The following KCNQ1 variants were observed in gnomAD, a reference collection of about 807,000 sequenced individuals.
The protein encoded by KCNQ1 is potassium voltage-gated channel subfamily KQT member 1.
Under a neutral mutation model 72.4 loss-of-function variants are expected in KCNQ1, and 49 were observed. That is an observed-to-expected ratio of 0.68 (90% CI 0.54 to 0.86). The LOEUF (loss-of-function observed/expected upper bound fraction) is 0.86, where lower values mean the gene tolerates loss of function less well. Ranked by LOEUF, KCNQ1 falls within the 40% of genes least tolerant of loss-of-function variation. KCNQ1 has a pLI of 0.00. For synonymous variants in KCNQ1, 450 were observed against 412.6 expected, an observed-to-expected ratio of 1.09 and a Z score of -1.10; for missense variants, 790 against 945.1, an observed-to-expected ratio of 0.84 and a Z score of 2.15.
intron 10 of KCNQ1, chr11:2,610,922 A>G (rs1848971109): frequency 5.0e-6 from 2 of 398,384 alleles, no homozygotes; most frequent in East Asian, 7.1e-5. Context: ...TAATAGTTCA[A>G]TAACTCACTC....
Position 2,698,523 on chromosome 11 carries a change from C to T in KCNQ1, c.1514+36442C>T. The T allele has an allele frequency of 2.5e-6, 1 of 398,534 alleles. No individual in the cohort carries two copies. 24.7% of individuals were successfully genotyped at this position (398,534 alleles called of 1,614,324 possible). On this transcript the variant is annotated intron_variant, in intron 11 of 15. Transcript: ENST00000155840. This position sits in a 1 kb window ranked among gnomAD's most constrained non-coding sequence, Gnocchi z 5.1. The stretch of plus-strand genomic sequence containing the variant: ...CCTCTCACCTGGCAGGTGATCACCA[C>T]CCCCAACTCAGACTGCAACCTTTAC...
intron 15 of KCNQ1, among the ~76,000 whole-genome samples, chr11:2,821,721 C>T (rs1847741781): frequency 1.3e-5 from 2 of 152,170 alleles, no homozygotes; most frequent in African/African-American, 4.8e-5. Context: ...GTGCCCATGA[C>T]ATCTCCCCAC....
At chr11:2,568,053 A>G (rs1044019555) in intron 2 of KCNQ1, among the ~76,000 whole-genome samples, 3 of 152,052 alleles carry the variant, frequency 2.0e-5, no homozygotes, top group Admixed American at 6.5e-5. Flanking sequence ...CAGATCACCT[A>G]AGGTCAGGAG....
In KCNQ1 at chr11:2,687,926, C is replaced by G; in HGVS notation, c.1514+25845C>G. The G allele has an allele frequency of 1.0e-5, 4 of 398,782 alleles. No individual in the cohort carries two copies. The highest frequency in any genetic ancestry group is 1.8e-5 in the Non-Finnish European group (4 of 226,168). 24.7% of individuals were successfully genotyped at this position (398,782 alleles called of 1,614,324 possible). ...TGGAAAATCCCCAGCAGTTGTGAGGCTGCACTTCTCCCACCCGCTGTGGGT... is the reference window on the plus strand; with the variant it reads ...TGGAAAATCCCCAGCAGTTGTGAGGGTGCACTTCTCCCACCCGCTGTGGGT... On this transcript the variant is annotated intron_variant, in intron 11 of 15. Coordinates refer to ENST00000155840, the MANE Select transcript of KCNQ1 (RefSeq NM_000218.3). The surrounding 1 kb of genome is among the most constrained non-coding windows in gnomAD (Gnocchi z 5.0).
At position 2,647,080 on chromosome 11, in the gene KCNQ1, G is replaced by A; in HGVS notation, c.1394-14881G>A. 1 of 398,530 alleles carries A rather than the reference G, an allele frequency of 2.5e-6. No individual in the cohort carries two copies. The highest frequency in any genetic ancestry group is 4.4e-6 in the Non-Finnish European group (1 of 226,052). 24.7% of individuals were successfully genotyped at this position (398,530 alleles called of 1,614,324 possible). A position where few individuals can be genotyped will look rare whatever the true frequency, so the allele number is the denominator to read the frequency against. ...TCTTGTTCTAGTTCTAAGAGAGAAG[G>A]TGTTTAGCTTTTCCCCAGGTGGCTG... On this transcript the variant is annotated intron_variant, in intron 10 of 15. Transcript: ENST00000155840. The surrounding 1 kb of genome is among the most constrained non-coding windows in gnomAD (Gnocchi z 4.0).
Position 2,698,853 on chromosome 11 carries a change from G to T in KCNQ1, c.1514+36772G>T, listed in dbSNP as rs1850722620. The T allele has an allele frequency of 2.5e-6, 1 of 398,726 alleles. No individual in the cohort carries two copies. Among genetic ancestry groups the T allele is most frequent in the Admixed American group, 4.4e-5 (1 of 22,714 alleles). 24.7% of individuals were successfully genotyped at this position (398,726 alleles called of 1,614,324 possible). A position where few individuals can be genotyped will look rare whatever the true frequency, so the allele number is the denominator to read the frequency against. On this transcript the variant is annotated intron_variant, in intron 11 of 15. Coordinates refer to ENST00000155840, the MANE Select transcript of KCNQ1 (RefSeq NM_000218.3). The surrounding 1 kb of genome is among the most constrained non-coding windows in gnomAD (Gnocchi z 5.1). Reference sequence around the variant, plus strand: ...ACCTAAAACCACCATGCGGACTCCAGACCCGGACTGACTGGGACCCCAACT... The same window carrying T: ...ACCTAAAACCACCATGCGGACTCCATACCCGGACTGACTGGGACCCCAACT...
At chr11:2,753,320 T>A (rs1196011095) in intron 11 of KCNQ1, among the ~76,000 whole-genome samples, 1 of 152,084 alleles carries the variant, frequency 6.6e-6, no homozygotes, top group Non-Finnish European at 1.5e-5. Context: ...AATAGGGAGT[T>A]CAGAGGCCTC....
chr11:2,521,691 C>T (rs73419595), intron 1 of KCNQ1: 12,872 of 364,976 alleles, frequency 0.035, 465 homozygotes, highest in African/African-American at 0.13. Flanking sequence ...TATTGGGAAA[C>T]ATCTCAGGGT....
At chr11:2,675,932 A>G (rs1013931960) in intron 11 of KCNQ1, 5 of 398,690 alleles carry the variant, frequency 1.3e-5, no homozygotes, top group South Asian at 1.3e-4. Flanking sequence ...CAGTCTTTAC[A>G]CACATGGTAA....
At chr11:2,797,529 C>T (rs551156821) in intron 15 of KCNQ1, among the ~76,000 whole-genome samples, 49 of 152,314 alleles carry the variant, frequency 3.2e-4, no homozygotes, top group African/African-American at 1.1e-3. Flanking sequence ...CCTGCACCTC[C>T]TGGCCACCTG....
intron 11 of KCNQ1, chr11:2,686,014 GC>G (rs1850483430): frequency 5.0e-6 from 2 of 398,824 alleles, no homozygotes; most frequent in Non-Finnish European, 8.8e-6. Flanking sequence ...AGTCAGGGGG[GC>G]TCACTCTAAG....
Position 2,654,519 on chromosome 11 carries a change from T to C in KCNQ1, c.1394-7442T>C. The stretch of plus-strand genomic sequence containing the variant: ...GGCAATCTCCGGAGCCCTGGAAAGC[T>C]TGTGGAAGAGGGCTTGGGTTACACC... On this transcript the variant is annotated intron_variant, in intron 10 of 15. Transcript: ENST00000155840. The surrounding 1 kb of genome is among the most constrained non-coding windows in gnomAD (Gnocchi z 6.4). 1 of 398,560 alleles carries C rather than the reference T, an allele frequency of 2.5e-6. No homozygotes were observed. Among genetic ancestry groups the C allele is most frequent in the Non-Finnish European group, 4.4e-6 (1 of 226,158 alleles). 24.7% of individuals were successfully genotyped at this position (398,560 alleles called of 1,614,324 possible). A position where few individuals can be genotyped will look rare whatever the true frequency, so the allele number is the denominator to read the frequency against.
In KCNQ1 at chr11:2,766,675, C is replaced by T. The variant is rs1846504071; in HGVS notation, c.1515-2169C>T. 6.6e-6 allele frequency among the ~76,000 whole-genome samples: 1 copy of T among 152,222 alleles called. No homozygotes were observed. The highest frequency in any genetic ancestry group is 1.5e-5 in the Non-Finnish European group (1 of 68,032). On this transcript the variant is annotated intron_variant, in intron 11 of 15. Transcript: ENST00000155840. This position sits in a 1 kb window ranked among gnomAD's most constrained non-coding sequence, Gnocchi z 4.4. ...TCACTCACCCCCCTCCCGACGATAC[C>T]TAAAATTCTCACCCAATTACATGTG...
chr11:2,817,161 C>T lies in KCNQ1; in HGVS notation c.1795-30606C>T, dbSNP rs11821386. The stretch of plus-strand genomic sequence containing the variant: ...CTGCTCCACAGGCCAACTCTGCGCA[C>T]GCTCCTTTCAAGGGTTAACGGTGCA... On this transcript the variant is annotated intron_variant, in intron 15 of 15. Transcript: ENST00000155840. The surrounding 1 kb of genome is among the most constrained non-coding windows in gnomAD (Gnocchi z 6.1). Among the ~76,000 whole-genome samples the T allele has an allele frequency of 6.4e-3, 978 of 152,320 alleles. 12 individuals carry two copies. The highest frequency in any genetic ancestry group is 0.022 in the African/African-American group (908 of 41,580).
chr11:2,655,422 G>A (rs1486489235), intron 10 of KCNQ1: 4 of 398,550 alleles, frequency 1.0e-5, no homozygotes, highest in Non-Finnish European at 1.8e-5. Flanking sequence ...TGTCCCCAGG[G>A]CCAGCCACTC....
rs371803604 is a variant in KCNQ1, at chr11:2,713,716, G to C, written c.1514+51635G>C. Among the ~76,000 whole-genome samples the C allele has an allele frequency of 9.8e-4, 149 of 152,332 alleles. 4 individuals are homozygous for C. In the South Asian group the frequency reaches 0.03, roughly 31 times the overall value. On this transcript the variant is annotated intron_variant, in intron 11 of 15. Transcript: ENST00000155840. The surrounding 1 kb of genome is among the most constrained non-coding windows in gnomAD (Gnocchi z 5.6). ...GGTTGCAGGAGAAGCCAAGTGCCGGGTGAAGGCCTGGGGAGGAATCTGGGT... is the reference window on the plus strand; with the variant it reads ...GGTTGCAGGAGAAGCCAAGTGCCGGCTGAAGGCCTGGGGAGGAATCTGGGT...
At chr11:2,574,781 G>A (rs1252395671) in intron 6 of KCNQ1, among the ~76,000 whole-genome samples, 1 of 152,226 alleles carries the variant, frequency 6.6e-6, no homozygotes, top group Non-Finnish European at 1.5e-5. Flanking sequence ...CAATGCTCAG[G>A]GATGGCAGGG....
intron 10 of KCNQ1, chr11:2,610,334 C>A (rs144313257): frequency 2.5e-6 from 1 of 397,924 alleles, no homozygotes; most frequent in Non-Finnish European, 4.4e-6. Flanking sequence ...CTTTATTATG[C>A]GCTATTATAA....
Position 2,494,572 on chromosome 11 carries a change from G to A in KCNQ1, c.387-33356G>A, listed in dbSNP as rs2741959. Among the ~76,000 whole-genome samples the A allele has an allele frequency of 0.81, 122,396 of 151,708 alleles. 49,463 individuals are homozygous for A. The highest frequency in any genetic ancestry group is 0.86 in the African/African-American group (35,758 of 41,384). On this transcript the variant is annotated intron_variant, in intron 1 of 15. Transcript: ENST00000155840. This position sits in a 1 kb window ranked among gnomAD's most constrained non-coding sequence, Gnocchi z 4.6. ...TTGGCATGAAGGGATGTTGAATTTT[G>A]TCAAAGGCTTTTTCTGCATCTATTG... is the stretch of plus-strand genomic sequence containing the variant.
Sources: allele counts gnomAD v4.1 joint callset (sites outside exome capture counted in the v4.1 genomes callset), GRCh38; gene constraint gnomAD v4.1.1; non-coding constraint Gnocchi (gnomAD v3.1); transcripts MANE v1.5; gene names NCBI Gene and HGNC (gene_info 2026-07-23, HGNC 2026-07-21).